Variants in ADAMTSL1 observed in about 807,000 individuals in gnomAD.
The protein encoded by ADAMTSL1 is ADAMTS-like protein 1.
Under a neutral mutation model 201.8 loss-of-function variants are expected in ADAMTSL1, and 126 were observed. That is an observed-to-expected ratio of 0.62 (90% CI 0.54 to 0.72). The LOEUF (loss-of-function observed/expected upper bound fraction) is 0.72. Ranked by LOEUF, ADAMTSL1 falls within the 30% of genes least tolerant of loss-of-function variation. The pLI is 0.00. For synonymous variants in ADAMTSL1, 1,121 were observed against 903.4 expected (o/e 1.24, Z -4.32); for missense variants, 2,679 against 2,277.8 (o/e 1.18, Z -3.59).
rs1587582181 is a variant in ADAMTSL1 at position 18,565,259 on chromosome 9, G to A, written c.238-8771G>A. Reference sequence around the variant, plus strand: ...TGTTCTCTTAGTAAACACATAGTAGGGCACACCCAAAGTTTGAATATATTA... The same window carrying A: ...TGTTCTCTTAGTAAACACATAGTAGAGCACACCCAAAGTTTGAATATATTA... On this transcript the variant is annotated intron_variant, in intron 3 of 28. Coordinates refer to ENST00000380548, the MANE Select transcript of ADAMTSL1 (RefSeq NM_001040272.6). Among the ~76,000 whole-genome samples the A allele has an allele frequency of 3.3e-5, 5 of 152,174 alleles. No individual in the cohort carries two copies. The South Asian group carries it at 1.0e-3, about 32-fold the overall frequency.
chr9:18,591,606 T>C (rs2132480384), intron 4 of ADAMTSL1, among the ~76,000 whole-genome samples: 1 of 152,300 alleles, frequency 6.6e-6, no homozygotes, highest in Admixed American at 6.5e-5. Flanking sequence ...TTTTTTACTG[T>C]CTTTCTTTGT....
chr9:18,166,047 T>G lies in ADAMTSL1; in HGVS notation c.207+2066T>G, dbSNP rs566857506. Among the ~76,000 whole-genome samples the G allele has an allele frequency of 5.9e-5, 9 of 152,048 alleles. No homozygotes were observed. In the South Asian group the frequency reaches 1.9e-3, roughly 32 times the overall value. Reference sequence around the variant, plus strand: ...TCCTGGTATAGGTCACAAGAATCACTTGACAAAAGCAAGTCAGTGAGAGAT... The same window carrying G: ...TCCTGGTATAGGTCACAAGAATCACGTGACAAAAGCAAGTCAGTGAGAGAT... On this transcript the variant is annotated intron_variant, in intron 2 of 29. Transcript: ENST00000680146.
intron 2 of ADAMTSL1, among the ~76,000 whole-genome samples, chr9:18,392,586 A>G (rs1838096622): frequency 6.6e-6 from 1 of 152,186 alleles, no homozygotes; most frequent in South Asian, 2.1e-4. Context: ...TGGCCCCTGC[A>G]TTCTGGACAT....
At chr9:18,180,546 A>AT in intron 2 of ADAMTSL1, among the ~76,000 whole-genome samples, 1 of 136,740 alleles carries the variant, frequency 7.3e-6, no homozygotes, top group Non-Finnish European at 1.7e-5. Context: ...AAAAAAAAAA[A>AT]AAAAAAAAAT....
At chr9:18,331,006 C>T (rs1586906900) in intron 2 of ADAMTSL1, among the ~76,000 whole-genome samples, 1 of 152,100 alleles carries the variant, frequency 6.6e-6, no homozygotes, top group African/African-American at 2.4e-5. Context: ...GTAATTCAGC[C>T]TCAATTGGGT....
intron 2 of ADAMTSL1, among the ~76,000 whole-genome samples, chr9:18,210,825 T>C (rs1829842870): frequency 6.6e-6 from 1 of 151,750 alleles, no homozygotes; most frequent in Non-Finnish European, 1.5e-5. Flanking sequence ...CTTTAAATAG[T>C]AATTGAGTGC....
chr9:18,355,854 T>C (rs748349120), intron 2 of ADAMTSL1, among the ~76,000 whole-genome samples: 13 of 152,126 alleles, frequency 8.5e-5, no homozygotes, highest in Non-Finnish European at 1.3e-4. Context: ...AAAATATATA[T>C]ACTGTTAATT....
chr9:18,009,055 C>T (rs978901577), intron 1 of ADAMTSL1, among the ~76,000 whole-genome samples: 1 of 152,108 alleles, frequency 6.6e-6, no homozygotes, highest in Non-Finnish European at 1.5e-5. Flanking sequence ...CAGATCTGCA[C>T]TCTAGCTCTG....
At chr9:18,570,205 G>A (rs1822204818) in intron 3 of ADAMTSL1, among the ~76,000 whole-genome samples, 3 of 145,628 alleles carry the variant, frequency 2.1e-5, no homozygotes, top group South Asian at 4.3e-4. Context: ...TGAAGGGCGA[G>A]ACCCCATTCG....
chr9:18,298,661 C>T (rs1833570742), intron 2 of ADAMTSL1, among the ~76,000 whole-genome samples: 1 of 143,512 alleles, frequency 7.0e-6, no homozygotes, highest in African/African-American at 2.8e-5. Context: ...TCAGTATTCT[C>T]ATTTAACAAG....
At chr9:18,531,096 G>A (rs1240609236) in intron 2 of ADAMTSL1, among the ~76,000 whole-genome samples, 6 of 152,090 alleles carry the variant, frequency 3.9e-5, no homozygotes, top group Admixed American at 1.3e-4. Flanking sequence ...CTTTTCTTAG[G>A]GGTGTACTCA....
chr9:18,512,864 A>G (rs1049689025), intron 2 of ADAMTSL1, among the ~76,000 whole-genome samples: 2 of 152,118 alleles, frequency 1.3e-5, no homozygotes, highest in African/African-American at 4.8e-5. Context: ...ATGTTTAATA[A>G]TTGGCTTTTA....
At position 18,303,151 on chromosome 9, in the gene ADAMTSL1, A is replaced by G. The variant is rs946365692; in HGVS notation, c.207+139170A>G. Among the ~76,000 whole-genome samples, 13 of 152,364 alleles carry G rather than the reference A, an allele frequency of 8.5e-5. No individual in the cohort carries two copies. In the East Asian group the frequency reaches 2.5e-3, roughly 29 times the overall value. On this transcript the variant is annotated intron_variant, in intron 2 of 29. Transcript: ENST00000680146. ...TATTTAAAGAAAATAATGGAAATAG[A>G]TGCTGAATACCAGGTTTGACATTTA...
intron 1 of ADAMTSL1, among the ~76,000 whole-genome samples, chr9:18,139,458 G>A (rs901174591): frequency 7.2e-5 from 11 of 152,094 alleles, no homozygotes; most frequent in Non-Finnish European, 1.5e-4. Flanking sequence ...AAAGGAAGGG[G>A]TGCCAACTTC....
chr9:18,715,705 A>G (rs550771231), intron 14 of ADAMTSL1, among the ~76,000 whole-genome samples: 4 of 152,168 alleles, frequency 2.6e-5, no homozygotes, highest in East Asian at 3.9e-4. Flanking sequence ...CAAGCTACCA[A>G]TGACTTTCTT....
At chr9:18,685,659 T>A (rs1183487811) in intron 13 of ADAMTSL1, among the ~76,000 whole-genome samples, 1 of 152,234 alleles carries the variant, frequency 6.6e-6, no homozygotes, top group Non-Finnish European at 1.5e-5. Context: ...GCATGTAGGA[T>A]ATAAAATGAT....
intron 1 of ADAMTSL1, among the ~76,000 whole-genome samples, chr9:18,032,459 T>C (rs896057321): frequency 1.3e-5 from 2 of 152,118 alleles, no homozygotes; most frequent in African/African-American, 4.8e-5. Flanking sequence ...GAGGCTGAGC[T>C]GTGTACACCC....
chr9:18,383,094 C>A (rs760394001), intron 2 of ADAMTSL1, among the ~76,000 whole-genome samples: 4 of 152,142 alleles, frequency 2.6e-5, no homozygotes, highest in Non-Finnish European at 4.4e-5. Flanking sequence ...CATACCATCC[C>A]TTTGAGAGTT....
At position 18,668,329 on chromosome 9, in the gene ADAMTSL1, C is replaced by T. The variant is rs190322370; in HGVS notation, c.1085+6256C>T. On this transcript the variant is annotated intron_variant, in intron 9 of 28. Coordinates refer to ENST00000380548, the MANE Select transcript of ADAMTSL1 (RefSeq NM_001040272.6). ...GTGCTTCTTAGAATGCATGATCATA[C>T]CCTTCCCATGCTTATAGATACACCA... Among the ~76,000 whole-genome samples the T allele has an allele frequency of 6.6e-5, 10 of 152,226 alleles. No individual in the cohort carries two copies. The East Asian group carries it at 1.9e-3, about 29-fold the overall frequency.
Sources: allele counts gnomAD v4.1 joint callset (sites outside exome capture counted in the v4.1 genomes callset), GRCh38; gene constraint gnomAD v4.1.1; transcripts MANE v1.5; gene names NCBI Gene and HGNC (gene_info 2026-07-23, HGNC 2026-07-21).